Variants in SH3GL2 observed in about 807,000 individuals in gnomAD.
SH3GL2 encodes the protein endophilin-A1.
In SH3GL2, 24 loss-of-function variants were observed where a neutral mutation model predicts 46.0. That is an observed-to-expected ratio of 0.52 (90% CI 0.38 to 0.73). The LOEUF is 0.73. SH3GL2 is among the 30% of genes least tolerant of loss of function. SH3GL2 has a pLI of 0.00. For synonymous variants in SH3GL2, 196 were observed against 147.1 expected, an observed-to-expected ratio of 1.33 and a Z score of -2.40; for missense variants, 413 against 424.2, an observed-to-expected ratio of 0.97 and a Z score of 0.23.
chr9:17,703,034 C>G (rs533181839), intron 1 of SH3GL2, among the ~76,000 whole-genome samples: 2 of 151,886 alleles, frequency 1.3e-5, no homozygotes, highest in South Asian at 4.2e-4. Flanking sequence ...AGATGATGGC[C>G]CAGCAGTCTC....
At position 17,685,178 on chromosome 9, in the gene SH3GL2, CAA is replaced by C. The variant is rs1281673685; in HGVS notation, c.46-61887_46-61886del. On this transcript the variant is annotated intron_variant, in intron 1 of 8. Transcript: ENST00000380607. ...ATGTATATTTATGAGTGGATGGAAT[CAA>C]GAGATTTATTTCAAGGAATTGGATC... Among the ~76,000 whole-genome samples the C allele has an allele frequency of 3.3e-5, 5 of 151,864 alleles. No individual in the cohort carries two copies. The East Asian group carries it at 9.7e-4, about 29-fold the overall frequency.
chr9:17,637,299 A>G (rs1303374375), intron 1 of SH3GL2, among the ~76,000 whole-genome samples: 1 of 152,246 alleles, frequency 6.6e-6, no homozygotes, highest in Admixed American at 6.5e-5. Context: ...AATGGTTGGA[A>G]TATGACCATC....
chr9:17,696,597 G>C (rs1039811592), intron 1 of SH3GL2, among the ~76,000 whole-genome samples: 3 of 152,118 alleles, frequency 2.0e-5, no homozygotes, highest in Admixed American at 2.0e-4. Context: ...GAAGTGCCGA[G>C]CAAAGGGGGA....
At position 17,738,641 on chromosome 9, in the gene SH3GL2, T is replaced by TATATATAGAGAGAGAGAG. The variant is rs376280314; in HGVS notation, c.46-8424_46-8423insTATATAGAGAGAGAGAGA. 5.3e-4 allele frequency among the ~76,000 whole-genome samples: 47 copies of TATATATAGAGAGAGAGAG among 88,870 alleles called. 2 individuals are homozygous for TATATATAGAGAGAGAGAG. Among genetic ancestry groups the TATATATAGAGAGAGAGAG allele is most frequent in the South Asian group, 2.5e-3 (5 of 2,040 alleles). The allele number at this position is 88,870 out of a possible 152,430, so 58.3% of individuals were successfully genotyped here. On this transcript the variant is annotated intron_variant, in intron 1 of 8. Coordinates refer to ENST00000380607, the MANE Select transcript of SH3GL2 (RefSeq NM_003026.5). ...TCATGTGATTTTATATATATATATA[T>TATATATAGAGAGAGAGAG]AGAGAGAGAGAGAGAGAGAGAGAGA...
chr9:17,714,712 A>G (rs375329478), intron 1 of SH3GL2, among the ~76,000 whole-genome samples: 81 of 151,948 alleles, frequency 5.3e-4, no homozygotes, highest in Middle Eastern at 3.4e-3. Flanking sequence ...TAGCTATATT[A>G]TAAATCCCTG....
In SH3GL2 at chr9:17,745,509, C is replaced by T. The variant is rs139286636; in HGVS notation, c.46-1557C>T. Among the ~76,000 whole-genome samples the T allele has an allele frequency of 4.4e-3, 671 of 152,142 alleles. 1 individual carries two copies. Among genetic ancestry groups the T allele is most frequent in the Non-Finnish European group, 5.3e-3 (363 of 68,016 alleles). Reference sequence around the variant, plus strand: ...CAGTCCATGTCATGCTCTTCCACTGCGCCATATTTCTCCTATTTCTACTGA... The same window carrying T: ...CAGTCCATGTCATGCTCTTCCACTGTGCCATATTTCTCCTATTTCTACTGA... On this transcript the variant is annotated intron_variant, in intron 1 of 8. Transcript: ENST00000380607.
intron 2 of SH3GL2, among the ~76,000 whole-genome samples, chr9:17,757,422 C>A (rs914492118): frequency 2.6e-5 from 4 of 152,100 alleles, no homozygotes; most frequent in Non-Finnish European, 5.9e-5. Context: ...TGACAAAGAG[C>A]TAATATCCAG....
At chr9:17,687,893 T>A (rs1820964129) in intron 1 of SH3GL2, among the ~76,000 whole-genome samples, 1 of 152,100 alleles carries the variant, frequency 6.6e-6, no homozygotes, top group Admixed American at 6.6e-5. Context: ...ATGGCGAGGA[T>A]TGCTGCCTAC....
At chr9:17,787,222 C>G (rs41305339) in intron 4 of SH3GL2, among the ~76,000 whole-genome samples, 158 bp from the exon 5 acceptor site, 22,455 of 152,176 alleles carry the variant, frequency 0.15, 2,080 homozygotes, top group Middle Eastern at 0.26. Flanking sequence ...GGCATTGAGT[C>G]TGTTGCCTGG....
intron 1 of SH3GL2, among the ~76,000 whole-genome samples, chr9:17,584,219 G>A (rs1171093841): frequency 6.6e-6 from 1 of 152,162 alleles, no homozygotes; most frequent in East Asian, 1.9e-4. Context: ...GTAAAAATAG[G>A]GTGGGGCGTG....
At chr9:17,648,134 C>A (rs1189913295) in intron 1 of SH3GL2, among the ~76,000 whole-genome samples, 1 of 152,130 alleles carries the variant, frequency 6.6e-6, no homozygotes, top group Non-Finnish European at 1.5e-5. Context: ...GCAAGTCTTC[C>A]AGTTAACAGT....
At chr9:17,627,465 A>G (rs571642306) in intron 1 of SH3GL2, among the ~76,000 whole-genome samples, 1 of 152,304 alleles carries the variant, frequency 6.6e-6, no homozygotes, top group African/African-American at 2.4e-5. Context: ...GGCTATGGTG[A>G]AAAGTAACAG....
chr9:17,756,833 A>G lies in SH3GL2; in HGVS notation c.115-4604A>G, dbSNP rs1168037268. Among the ~76,000 whole-genome samples the G allele has an allele frequency of 2.0e-5, 3 of 152,112 alleles. No individual in the cohort carries two copies. In the East Asian group the frequency reaches 5.8e-4, roughly 29 times the overall value. ...CAGCATGATTTATAATCCTTTGGGT[A>G]TATACCCAGTAATGGGATGGCTGGG... On this transcript the variant is annotated intron_variant, in intron 2 of 8. Coordinates refer to ENST00000380607, the MANE Select transcript of SH3GL2 (RefSeq NM_003026.5).
chr9:17,768,828 A>C (rs1174502706), intron 3 of SH3GL2, among the ~76,000 whole-genome samples: 1 of 152,110 alleles, frequency 6.6e-6, no homozygotes, highest in Non-Finnish European at 1.5e-5. Flanking sequence ...TTTTCATGCT[A>C]CCTTTATATC....
chr9:17,731,535 A>G (rs1047965311), intron 1 of SH3GL2, among the ~76,000 whole-genome samples: 7 of 152,038 alleles, frequency 4.6e-5, no homozygotes, highest in Non-Finnish European at 7.4e-5. Context: ...TGAGAAGGCA[A>G]AGGCAGCGTC....
chr9:17,682,255 G>A (rs1820790150), intron 1 of SH3GL2, among the ~76,000 whole-genome samples: 1 of 152,028 alleles, frequency 6.6e-6, no homozygotes, highest in African/African-American at 2.4e-5. Context: ...AAAGACACAT[G>A]CATGCATATG....
chr9:17,650,523 C>T (rs918616150), intron 1 of SH3GL2, among the ~76,000 whole-genome samples: 1 of 152,104 alleles, frequency 6.6e-6, no homozygotes, highest in Non-Finnish European at 1.5e-5. Flanking sequence ...AGGCGTGTGC[C>T]ACCACGCCTG....
intron 1 of SH3GL2, among the ~76,000 whole-genome samples, chr9:17,744,876 G>A (rs1822634625): frequency 1.3e-5 from 2 of 152,100 alleles, no homozygotes; most frequent in African/African-American, 2.4e-5. Flanking sequence ...ATCACTCAGG[G>A]CACAAGTTAA....
intron 1 of SH3GL2, among the ~76,000 whole-genome samples, chr9:17,618,512 A>C (rs1046697231): frequency 6.6e-6 from 1 of 152,206 alleles, no homozygotes; most frequent in Non-Finnish European, 1.5e-5. Flanking sequence ...ACGCTGGAAA[A>C]TGTGACGTTT....
Sources: gnomAD v4.1 joint callset for allele counts (sites outside exome capture counted in the v4.1 genomes callset) on GRCh38, gnomAD v4.1.1 for gene constraint, MANE v1.5 for transcripts, NCBI Gene and HGNC (gene_info 2026-07-23, HGNC 2026-07-21) for gene names.